HIVEP3: variants seen among roughly 807,000 people sequenced by gnomAD.
HIVEP3 encodes the protein transcription factor HIVEP3.
HIVEP3 carries 49 observed loss-of-function variants against 152.8 expected under a neutral mutation model. The observed-to-expected ratio is 0.32, with a 90% CI of 0.26 to 0.41. The LOEUF (loss-of-function observed/expected upper bound fraction) is 0.41. Ranked by LOEUF, HIVEP3 falls within the 10% of genes least tolerant of loss-of-function variation. HIVEP3 has a pLI of 1.00. For synonymous variants in HIVEP3, 1,269 were observed against 1,289.0 expected (o/e 0.98, Z 0.33); for missense variants, 2,790 against 3,103.3 (o/e 0.90, Z 2.40).
At chr1:41,671,740 C>T (rs942049138) in intron 2 of HIVEP3, among the ~76,000 whole-genome samples, 4 of 152,198 alleles carry the variant, frequency 2.6e-5, no homozygotes, top group African/African-American at 7.2e-5. Flanking sequence ...CAGGTGAGTA[C>T]GGCCCAGTCA....
intron 1 of HIVEP3, among the ~76,000 whole-genome samples, chr1:42,027,070 G>T (rs1645586384): frequency 6.6e-6 from 1 of 152,122 alleles, no homozygotes; most frequent in Non-Finnish European, 1.5e-5. Flanking sequence ...AGTTTTCAAG[G>T]TTCTGTTGTT....
chr1:41,919,723 A>G (rs1644924558), upstream of HIVEP3, among the ~76,000 whole-genome samples: 1 of 152,112 alleles, frequency 6.6e-6, no homozygotes. Flanking sequence ...TCCAGCCTAA[A>G]TTTTTTTGAA....
intron 1 of HIVEP3, among the ~76,000 whole-genome samples, chr1:41,851,260 G>A (rs949065332): frequency 4.3e-5 from 6 of 138,990 alleles, no homozygotes; most frequent in African/African-American, 7.8e-5. Flanking sequence ...ATGTACAGAA[G>A]AATGATGAGA....
intron 1 of HIVEP3, among the ~76,000 whole-genome samples, chr1:41,990,097 G>A (rs1407795249): frequency 7.3e-5 from 7 of 95,578 alleles, no homozygotes; most frequent in African/African-American, 2.6e-4. Context: ...TCCTTCAGGA[G>A]CTCTTTTAGG....
intron 1 of HIVEP3, among the ~76,000 whole-genome samples, chr1:42,033,300 A>G (rs559854947): frequency 1.3e-5 from 2 of 152,236 alleles, no homozygotes; most frequent in South Asian, 2.1e-4. Context: ...CCCCACCTCT[A>G]TAGGATGACT....
chr1:41,883,631 A>AC (rs1330595387), intron 1 of HIVEP3, among the ~76,000 whole-genome samples: 1 of 152,182 alleles, frequency 6.6e-6, no homozygotes, highest in Non-Finnish European at 1.5e-5. Context: ...AGAACCTGTG[A>AC]CCCCACAGGA....
intron 5 of HIVEP3, among the ~76,000 whole-genome samples, chr1:41,559,904 C>T (rs1644032523): frequency 6.6e-6 from 1 of 152,216 alleles, no homozygotes; most frequent in Non-Finnish European, 1.5e-5. Flanking sequence ...TACCAACCCT[C>T]TAAGATATAA....
At chr1:41,516,652 C>G (rs142287182) in intron 7 of HIVEP3, among the ~76,000 whole-genome samples, 2,230 of 152,338 alleles carry the variant, frequency 0.015, 66 homozygotes, top group African/African-American at 0.051. Flanking sequence ...GGCACCCCCC[C>G]ATGCCCTTCA....
intron 1 of HIVEP3, among the ~76,000 whole-genome samples, chr1:42,016,567 AT>A (rs144648444): frequency 0.016 from 2,405 of 152,108 alleles, 50 homozygotes; most frequent in African/African-American, 0.051. Flanking sequence ...GCACATAAAT[AT>A]TTTTGACTAT....
chr1:41,775,551 C>T (rs927072198), intron 1 of HIVEP3, among the ~76,000 whole-genome samples: 7 of 152,056 alleles, frequency 4.6e-5, no homozygotes, highest in Admixed American at 1.3e-4. Flanking sequence ...AGTGCAGTGG[C>T]GCGATCTCGG....
At chr1:41,985,779 G>A (rs981903489) in intron 1 of HIVEP3, among the ~76,000 whole-genome samples, 3 of 152,176 alleles carry the variant, frequency 2.0e-5, no homozygotes, top group African/African-American at 4.8e-5. Flanking sequence ...TAGCTACAAA[G>A]GAGAGTGGCT....
At chr1:41,766,478 G>A (rs1368434455) in intron 1 of HIVEP3, among the ~76,000 whole-genome samples, 4 of 152,244 alleles carry the variant, frequency 2.6e-5, no homozygotes, top group Non-Finnish European at 5.9e-5. Context: ...GTCAGAGGCT[G>A]TGCTAAGTAC....
chr1:41,524,766 G>A lies in HIVEP3; in HGVS notation c.5352C>T (p.Cys1784=). Residue 1784 remains cysteine, a synonymous_variant, in exon 6 of 9, where the codon TGC becomes TGT. Transcript: ENST00000372583. ...RTHTDVRPYV[C]KHCHFAFKTK... is the part of the protein sequence containing the mutation. ...TTTTAAAAGCAAAGTGACAGTGCTT[G>A]CACACATAGGGCCGGACGTCAGTGT... 1 of 1,614,122 alleles carries A rather than the reference G, an allele frequency of 6.2e-7. No homozygotes were observed. Among genetic ancestry groups the A allele is most frequent in the South Asian group, 1.1e-5 (1 of 91,084 alleles).
intron 5 of HIVEP3, among the ~76,000 whole-genome samples, chr1:41,528,068 ACT>A (rs1643063828): frequency 3.3e-5 from 2 of 61,474 alleles, no homozygotes; most frequent in South Asian, 1.3e-3. Flanking sequence ...TTACCTTCAC[ACT>A]CATACCCTTG....
rs749429537 is a variant in HIVEP3 at position 41,688,821 on chromosome 1, G to GTT, written c.-721+12093_-721+12094dup. Among the ~76,000 whole-genome samples the GTT allele has an allele frequency of 4.2e-4, 61 of 144,480 alleles. No homozygotes were observed. The Middle Eastern group carries it at 0.021, about 51-fold the overall frequency. The allele number at this position is 144,480 out of a possible 152,430, so 94.8% of individuals were successfully genotyped here. The stretch of plus-strand genomic sequence containing the variant: ...AGCTGGGAGTTCCCCAAACGGATCT[G>GTT]TTTTTTTTTTTTGCCTCTGTTGCTT... On this transcript the variant is annotated intron_variant, in intron 2 of 8. Coordinates refer to ENST00000372583, the MANE Select transcript of HIVEP3 (RefSeq NM_024503.5).
In HIVEP3 at chr1:41,628,867, G is replaced by A. The variant is rs1645154421; in HGVS notation, c.-640C>T. ...CACCTAGGCGCCGCTCTTCCCACCAGAGGGGCGGGCTTGCTTGGCCAGGAC... is the reference window on the plus strand; with the variant it reads ...CACCTAGGCGCCGCTCTTCCCACCAAAGGGGCGGGCTTGCTTGGCCAGGAC... On this transcript the variant is annotated 5_prime_UTR_variant, in exon 3 of 9. Transcript: ENST00000372583. The A allele has an allele frequency of 9.7e-6, 12 of 1,232,096 alleles. No homozygotes were observed. Among genetic ancestry groups the A allele is most frequent in the Non-Finnish European group, 1.2e-5 (12 of 987,966 alleles). 76.3% of individuals were successfully genotyped at this position (1,232,096 alleles called of 1,614,324 possible).
chr1:41,539,752 A>T (rs1643483219), intron 5 of HIVEP3, among the ~76,000 whole-genome samples: 1 of 152,236 alleles, frequency 6.6e-6, no homozygotes, highest in South Asian at 2.1e-4. Context: ...CTTCTTGGTT[A>T]ACATTTATGA....
chr1:41,511,226 G>A lies in HIVEP3; in HGVS notation c.6446C>T (p.Pro2149Leu). The A allele has an allele frequency of 6.2e-7, 1 of 1,612,944 alleles. No homozygotes were observed. The highest frequency in any genetic ancestry group is 8.5e-7 in the Non-Finnish European group (1 of 1,179,432). Reference protein sequence around the residue: ...ESRSPSCSPGPAHPLSSRPFS... With the variant: ...ESRSPSCSPGLAHPLSSRPFS... ...GGGTCGGGAGGAGAGAGGATGAGCA[G>A]GGCCGGGTGAGCAGGAGGGACTTCG... The change falls in exon 9 of 9, where the codon CCT becomes CTT. Residue 2149 changes from proline (P) to leucine (L), a missense_variant. By Grantham distance (98) the Pro-to-Leu change is moderately conservative. Coordinates refer to ENST00000372583, the MANE Select transcript of HIVEP3 (RefSeq NM_024503.5). This position sits in a 1 kb window ranked among gnomAD's most constrained non-coding sequence, Gnocchi z 4.9.
intron 1 of HIVEP3, among the ~76,000 whole-genome samples, chr1:41,989,357 T>C (rs967617176): frequency 1.3e-5 from 2 of 152,196 alleles, no homozygotes; most frequent in Non-Finnish European, 2.9e-5. Context: ...ACAATTTGTA[T>C]TTGTCAATTT....
Sources: gnomAD v4.1 joint callset for allele counts (sites outside exome capture counted in the v4.1 genomes callset) on GRCh38, gnomAD v4.1.1 for gene constraint, Gnocchi (gnomAD v3.1) non-coding constraint, MANE v1.5 for transcripts, NCBI Gene and HGNC (gene_info 2026-07-23, HGNC 2026-07-21) for gene names.